MMP26: variants seen among roughly 807,000 people sequenced by gnomAD.
The protein encoded by MMP26 is matrix metallopeptidase 26.
In MMP26, 33 loss-of-function variants were observed where a neutral mutation model predicts 31.0. The ratio of observed to expected loss-of-function variants is 1.06; its 90% confidence interval spans 0.81 to 1.42. MMP26 has a LOEUF of 1.42. MMP26 is among the 40% of genes most tolerant of loss of function. The pLI is 0.00. For missense variants in MMP26, 347 were observed against 316.1 expected, an observed-to-expected ratio of 1.10 and a Z score of -0.74; for synonymous variants, 122 against 114.9, an observed-to-expected ratio of 1.06 and a Z score of -0.40.
At chr11:4,729,471 G>T (rs953526337) in intron 1 of MMP26, among the ~76,000 whole-genome samples, 1 of 152,128 alleles carries the variant, frequency 6.6e-6, no homozygotes, top group Admixed American at 6.5e-5. Context: ...GGGGCAGGAA[G>T]AAACTTCTTA....
intron 2 of MMP26, among the ~76,000 whole-genome samples, chr11:4,976,328 ATG>A (rs1846735249): frequency 6.6e-6 from 1 of 152,044 alleles, no homozygotes. Context: ...TTGTATAATA[ATG>A]TTGTCAGGAT....
intron 2 of MMP26, chr11:4,923,592 C>T: frequency 6.2e-7 from 1 of 1,614,034 alleles, no homozygotes; most frequent in Non-Finnish European, 8.5e-7. Flanking sequence ...AAGAGCAGTA[C>T]AGCACAGATA....
At chr11:4,971,315 T>C (rs1270933824) in intron 2 of MMP26, among the ~76,000 whole-genome samples, 1 of 152,166 alleles carries the variant, frequency 6.6e-6, no homozygotes, top group East Asian at 1.9e-4. Flanking sequence ...ATCAAATCTG[T>C]CCTTACTATC....
chr11:4,899,083 C>A (rs1850763851), intron 2 of MMP26, among the ~76,000 whole-genome samples: 1 of 152,058 alleles, frequency 6.6e-6, no homozygotes, highest in African/African-American at 2.4e-5. Flanking sequence ...TGCTCACCAA[C>A]AAGGGTTATA....
chr11:4,977,051 AT>A (rs1460300372), intron 2 of MMP26, among the ~76,000 whole-genome samples: 4 of 151,776 alleles, frequency 2.6e-5, no homozygotes, highest in Non-Finnish European at 4.4e-5. Context: ...CCCTTTGTTC[AT>A]TTTTTAAATT....
chr11:4,818,921 A>G (rs967152762), intron 2 of MMP26, among the ~76,000 whole-genome samples: 3 of 152,184 alleles, frequency 2.0e-5, no homozygotes, highest in African/African-American at 7.2e-5. Flanking sequence ...GGAAAAGAGT[A>G]TTTTGTACTC....
At chr11:4,713,329 C>G (rs1371555736) in intron 1 of MMP26, among the ~76,000 whole-genome samples, 1 of 152,126 alleles carries the variant, frequency 6.6e-6, no homozygotes, top group Admixed American at 6.6e-5. Context: ...TAGATCCTGT[C>G]TCCCTATTTA....
intron 2 of MMP26, among the ~76,000 whole-genome samples, chr11:4,820,524 C>T (rs1849480446): frequency 2.0e-5 from 3 of 151,456 alleles, no homozygotes; most frequent in East Asian, 3.9e-4. Flanking sequence ...CCTTCTTTCT[C>T]ACTCCCTCCC....
intron 2 of MMP26, among the ~76,000 whole-genome samples, chr11:4,816,873 T>A (rs1345796625): frequency 6.7e-6 from 1 of 149,774 alleles, no homozygotes; most frequent in African/African-American, 2.5e-5. Flanking sequence ...CCGGCTAATT[T>A]TTTTTTTTTA....
rs1851232990 is a variant in MMP26 at position 4,924,176 on chromosome 11, G to A, written c.-144-63892G>A. On this transcript the variant is annotated intron_variant, in intron 2 of 7. Transcript: ENST00000380390. Reference sequence around the variant, plus strand: ...ATAGTACATGGGTCCATGGAGAGTGGCATCAGTACAAATGACGTGGAGAAT... The same window carrying A: ...ATAGTACATGGGTCCATGGAGAGTGACATCAGTACAAATGACGTGGAGAAT... 1.9e-6 allele frequency: 3 copies of A among 1,614,068 alleles called. No homozygotes were observed. The highest frequency in any genetic ancestry group is 2.2e-5 in the East Asian group (1 of 44,888).
intron 2 of MMP26, chr11:4,881,757 T>C: frequency 1.3e-6 from 1 of 760,718 alleles, no homozygotes; most frequent in South Asian, 2.0e-5. Flanking sequence ...CCTTCCTGGG[T>C]CCATTTCCTT....
intron 2 of MMP26, among the ~76,000 whole-genome samples, chr11:4,852,741 A>G (rs577587215): frequency 3.9e-5 from 6 of 152,046 alleles, no homozygotes; most frequent in Admixed American, 6.6e-5. Context: ...AAAGAAAGCC[A>G]TGATCTCAAA....
intron 1 of MMP26, among the ~76,000 whole-genome samples, chr11:4,726,206 G>T (rs1564895581): frequency 1.3e-5 from 2 of 152,242 alleles, no homozygotes; most frequent in Non-Finnish European, 1.5e-5. Context: ...GCCGGGCATG[G>T]TGGCTCACAC....
intron 2 of MMP26, among the ~76,000 whole-genome samples, chr11:4,780,272 T>C (rs188587051): frequency 6.6e-6 from 1 of 152,262 alleles, no homozygotes; most frequent in East Asian, 1.9e-4. Flanking sequence ...AAAAAGGTTT[T>C]TGTAAGGATA....
intron 2 of MMP26, among the ~76,000 whole-genome samples, chr11:4,851,257 C>T (rs561745464): frequency 5.9e-5 from 9 of 152,292 alleles, no homozygotes; most frequent in South Asian, 2.1e-4. Flanking sequence ...AACCCCACAG[C>T]TTTGTTCCTG....
intron 2 of MMP26, among the ~76,000 whole-genome samples, chr11:4,790,196 C>T (rs1264993376): frequency 6.6e-6 from 1 of 151,906 alleles, no homozygotes; most frequent in Non-Finnish European, 1.5e-5. Flanking sequence ...AAAAAATTAG[C>T]CGGGTGTGGT....
In MMP26 at chr11:4,726,474, T is replaced by A. The variant is rs527764090; in HGVS notation, c.-217+21429T>A. ...TGCAACTTCATTAAAAAAAAAAAAATTACCATTGGTTTTATTTTCTTTTCC... is the reference window on the plus strand; with the variant it reads ...TGCAACTTCATTAAAAAAAAAAAAAATACCATTGGTTTTATTTTCTTTTCC... On this transcript the variant is annotated intron_variant, in intron 1 of 7. Transcript: ENST00000380390. Among the ~76,000 whole-genome samples the A allele has an allele frequency of 7.7e-4, 117 of 151,330 alleles. 1 individual carries two copies. The highest frequency in any genetic ancestry group is 2.7e-3 in the African/African-American group (110 of 41,102).
At chr11:4,915,508 A>G (rs1851071738) in intron 2 of MMP26, 7 of 1,614,024 alleles carry the variant, frequency 4.3e-6, no homozygotes, top group African/African-American at 1.3e-5. Context: ...TTTTAATGAT[A>G]AAAAGAATTG....
chr11:4,890,703 G>A (rs1052195100), intron 2 of MMP26: 3 of 151,932 alleles, frequency 2.0e-5, no homozygotes, highest in African/African-American at 7.3e-5. Flanking sequence ...TAAAGAAAAT[G>A]GAATTGTGAA....
Sources: gnomAD v4.1 joint callset for allele counts (sites outside exome capture counted in the v4.1 genomes callset) on GRCh38, gnomAD v4.1.1 for gene constraint, MANE v1.5 for transcripts, NCBI Gene and HGNC (gene_info 2026-07-23, HGNC 2026-07-21) for gene names.